Variants in FASTKD2 observed in about 807,000 individuals in gnomAD.
The protein encoded by FASTKD2 is FAST kinase domains 2, also known as FAST kinase domain-containing protein 2, mitochondrial.
FASTKD2 carries 51 observed loss-of-function variants against 63.6 expected under a neutral mutation model. The observed-to-expected ratio is 0.80, with a 90% CI of 0.64 to 1.01. FASTKD2 has a LOEUF of 1.01. Among genes scored for constraint, FASTKD2 ranks in the 50% least tolerant of loss-of-function variants. The probability of loss-of-function intolerance (pLI) is 0.00; values close to 1 mark genes in which losing one functional copy is unlikely to be tolerated. For synonymous variants in FASTKD2, 284 were observed against 293.4 expected (o/e 0.97, Z 0.33); for missense variants, 786 against 831.1 (o/e 0.95, Z 0.67).
intron 6 of FASTKD2, among the ~76,000 whole-genome samples, chr2:206,772,544 C>T (rs907363037): frequency 3.3e-5 from 5 of 152,108 alleles, no homozygotes; most frequent in Non-Finnish European, 1.5e-5. Flanking sequence ...TATTTTTTGA[C>T]TGTTTGATGT....
At chr2:206,766,271 A>C (rs1689457031) in intron 1 of FASTKD2, among the ~76,000 whole-genome samples, 2 of 150,950 alleles carry the variant, frequency 1.3e-5, no homozygotes, top group Admixed American at 1.3e-4. Flanking sequence ...AAAAAAAAAA[A>C]AAAAAAAAAA....
intron 3 of FASTKD2, 107 bp from the exon 4 acceptor site, chr2:206,771,075 C>T (rs961115343): frequency 3.6e-5 from 25 of 702,072 alleles, no homozygotes; most frequent in Non-Finnish European, 6.3e-5. Flanking sequence ...TTTCTCTGGG[C>T]TTCATAATCC....
chr2:206,782,426 C>A (rs988343784), intron 7 of FASTKD2, among the ~76,000 whole-genome samples: 2 of 152,186 alleles, frequency 1.3e-5, no homozygotes, highest in African/African-American at 4.8e-5. Context: ...GAGAACTGGA[C>A]CTTCTTCTAG....
intron 7 of FASTKD2, among the ~76,000 whole-genome samples, chr2:206,778,728 C>T (rs1453421666): frequency 6.6e-6 from 1 of 151,850 alleles, no homozygotes; most frequent in African/African-American, 2.4e-5. Flanking sequence ...CTGTTAGGAA[C>T]TGGGCCACAC....
rs1690385000 is a variant in FASTKD2, at chr2:206,794,396, AT to A, written c.*2600del. Among the ~76,000 whole-genome samples the A allele has an allele frequency of 6.6e-6, 1 of 152,082 alleles. No individual in the cohort carries two copies. The highest frequency in any genetic ancestry group is 2.4e-5 in the African/African-American group (1 of 41,424). On this transcript the variant is annotated 3_prime_UTR_variant, in exon 12 of 12. Coordinates refer to ENST00000402774, the MANE Select transcript of FASTKD2 (RefSeq NM_001136193.2). ...TAGCTACATGCAATTCTTTTTTATTATTTTTTAATTTTAATTTTTAGATTTT... is the reference window on the plus strand; with the variant it reads ...TAGCTACATGCAATTCTTTTTTATTATTTTTAATTTTAATTTTTAGATTTT...
chr2:206,786,528 T>C, intron 7 of FASTKD2: 1 of 559,080 alleles, frequency 1.8e-6, no homozygotes, highest in Non-Finnish European at 3.2e-6. Context: ...TGAGTTAAAG[T>C]CTATAAAATG....
Position 206,766,759 on chromosome 2 carries a change from C to T in FASTKD2, c.66C>T (p.Gly22=), listed in dbSNP as rs866874741. Residue 22 remains glycine, a synonymous_variant, in exon 2 of 12, where the codon GGC becomes GGT. Coordinates refer to ENST00000402774, the MANE Select transcript of FASTKD2 (RefSeq NM_001136193.2). The part of the protein sequence containing the change: ...SVESKMNNKA[G]SFFWNLRQFS... ...AGAGCAAAATGAATAACAAAGCGGG[C>T]TCCTTTTTCTGGAACCTTAGACAAT... The T allele has an allele frequency of 1.1e-5, 18 of 1,613,826 alleles. 1 individual carries two copies. The Middle Eastern group carries it at 3.0e-3, about 266-fold the overall frequency.
Position 206,791,669 on chromosome 2 carries a change from CTT to C in FASTKD2, c.2014-12_2014-11del, listed in dbSNP as rs770341016. The C allele has an allele frequency of 8.6e-5, 138 of 1,611,736 alleles. No homozygotes were observed. In the Middle Eastern group the frequency reaches 2.1e-3, roughly 25 times the overall value. On this transcript the variant is annotated splice_polypyrimidine_tract_variant and intron_variant, in intron 11 of 11. Coordinates refer to ENST00000402774, the MANE Select transcript of FASTKD2 (RefSeq NM_001136193.2). ...CGTCTCACAAACTGATTATTTTCCTCTTTCTTTGGTAAGGTCAATAACTGGGA... is the reference window on the plus strand; with the variant it reads ...CGTCTCACAAACTGATTATTTTCCTCTCTTTGGTAAGGTCAATAACTGGGA...
chr2:206,767,395 C>A lies in FASTKD2; in HGVS notation c.702C>A (p.Phe234Leu). The part of the protein sequence containing the change: ...AKIMQYKYLL[F>L]SLHAIVKLGI... The stretch of plus-strand genomic sequence containing the variant: ...TCATGCAGTATAAGTACCTACTGTT[C>A]AGTCTTCACGCCATAGTGAAGCTTG... Residue 234 changes from phenylalanine to leucine, a missense_variant, in exon 2 of 12, where the codon TTC becomes TTA. Physicochemically the swap from Phe to Leu is conservative, Grantham distance 22. Transcript: ENST00000402774. 1 of 1,613,770 alleles carries A rather than the reference C, an allele frequency of 6.2e-7. No individual in the cohort carries two copies. Among genetic ancestry groups the A allele is most frequent in the Non-Finnish European group, 8.5e-7 (1 of 1,179,932 alleles).
In FASTKD2 at chr2:206,771,244, A is replaced by C. The variant is rs749764322; in HGVS notation, c.944A>C (p.Lys315Thr). 4 of 1,612,364 alleles carry C rather than the reference A, an allele frequency of 2.5e-6. No homozygotes were observed. The highest frequency in any genetic ancestry group is 1.7e-6 in the Non-Finnish European group (2 of 1,178,490). Residue 315 changes from lysine to threonine, a missense_variant, in exon 4 of 12, where the codon AAG (lysine) becomes ACG (threonine). By Grantham distance (78) the Lys-to-Thr change is moderately conservative. Transcript: ENST00000402774. The part of the protein sequence containing the change: ...EDVFTLQVVM[K>T]CIGKDAPIAL... ...GTCTTCACATTACAAGTTGTGATGA[A>C]GTGTATTGGAAAAGATGCACCGATT...
At chr2:206,784,894 T>C (rs1015834724) in intron 7 of FASTKD2, among the ~76,000 whole-genome samples, 16 of 152,216 alleles carry the variant, frequency 1.1e-4, no homozygotes, top group Non-Finnish European at 2.1e-4. Context: ...AAGGTAGATA[T>C]GTAAATTGGC....
chr2:206,780,667 G>A (rs911888219), intron 7 of FASTKD2, among the ~76,000 whole-genome samples: 2 of 152,126 alleles, frequency 1.3e-5, no homozygotes, highest in African/African-American at 2.4e-5. Context: ...CTAGATTTGT[G>A]AAGTTTTCAG....
rs1172024532 is a variant in FASTKD2, at chr2:206,787,890, T to C, written c.1595-47T>C. Reference sequence around the variant, plus strand: ...TATATACTAATATAGTTTTTTAATGTTGCATTTATTTCTTCTTAATGATAT... The same window carrying C: ...TATATACTAATATAGTTTTTTAATGCTGCATTTATTTCTTCTTAATGATAT... On this transcript the variant is annotated intron_variant, in intron 8 of 11. Coordinates refer to ENST00000402774, the MANE Select transcript of FASTKD2 (RefSeq NM_001136193.2). The C allele has an allele frequency of 6.8e-6, 7 of 1,024,750 alleles. No homozygotes were observed. The African/African-American group carries it at 9.5e-5, about 14-fold the overall frequency. The allele number at this position is 1,024,750 out of a possible 1,614,324, so 63.5% of individuals were successfully genotyped here.
Position 206,794,523 on chromosome 2 carries a change from G to T in FASTKD2, c.*2721G>T, listed in dbSNP as rs1690389081. On this transcript the variant is annotated 3_prime_UTR_variant, in exon 12 of 12. Transcript: ENST00000402774. ...CTCAAGTAGATAGGACTGATTATAGGTACAGGCTACTGTGCCCAGCTCAAT... is the reference window on the plus strand; with the variant it reads ...CTCAAGTAGATAGGACTGATTATAGTTACAGGCTACTGTGCCCAGCTCAAT... Among the ~76,000 whole-genome samples the T allele has an allele frequency of 6.6e-6, 1 of 152,038 alleles. No homozygotes were observed. Among genetic ancestry groups the T allele is most frequent in the Non-Finnish European group, 1.5e-5 (1 of 68,032 alleles).
chr2:206,768,668 C>T (rs567541948), intron 2 of FASTKD2, among the ~76,000 whole-genome samples: 1 of 152,140 alleles, frequency 6.6e-6, no homozygotes, highest in East Asian at 1.9e-4. Context: ...CCACTGCACT[C>T]CAGCCTGGGT....
chr2:206,772,049 T>C (rs1251469550), intron 5 of FASTKD2, 32 bp downstream of exon 5: 2 of 1,609,960 alleles, frequency 1.2e-6, no homozygotes, highest in African/African-American at 2.7e-5. Flanking sequence ...TCATTTGCAA[T>C]ACCTGAGCTT....
At chr2:206,781,673 CTTTT>C (rs59970556) in intron 7 of FASTKD2, among the ~76,000 whole-genome samples, 3 of 130,480 alleles carry the variant, frequency 2.3e-5, no homozygotes, top group Non-Finnish European at 3.2e-5. Context: ...TTTTTAATTT[CTTTT>C]TTTTTTTTTT....
intron 7 of FASTKD2, among the ~76,000 whole-genome samples, chr2:206,781,150 T>G (rs1162289917): frequency 6.6e-6 from 1 of 152,168 alleles, no homozygotes; most frequent in Non-Finnish European, 1.5e-5. Flanking sequence ...TACATTTCCC[T>G]GATGCTCTTT....
chr2:206,767,460 G>C lies in FASTKD2; in HGVS notation c.767G>C (p.Arg256Thr), dbSNP rs1410272931. The change falls in exon 2 of 12, where the codon AGG becomes ACG. Residue 256 changes from arginine (R) to threonine (T), a missense_variant. Transcript: ENST00000402774. ...QNTILVQTLLRVTQERINECD... is the reference protein window; with the variant it reads ...QNTILVQTLLTVTQERINECD... ...ACTATTTTGGTGCAGACTTTGCTGA[G>C]GGTGACCCAGGTAAAATAAAAAGGA... is the stretch of plus-strand genomic sequence containing the variant. The C allele has an allele frequency of 6.2e-7, 1 of 1,609,688 alleles. No homozygotes were observed. The highest frequency in any genetic ancestry group is 1.7e-5 in the Admixed American group (1 of 60,018).
Sources: allele counts gnomAD v4.1 joint callset (sites outside exome capture counted in the v4.1 genomes callset), GRCh38; gene constraint gnomAD v4.1.1; transcripts MANE v1.5; gene names NCBI Gene and HGNC (gene_info 2026-07-23, HGNC 2026-07-21).